FSIP1: variants seen among roughly 807,000 people sequenced by gnomAD.
The protein encoded by FSIP1 is fibrous sheath-interacting protein 1.
A neutral mutation model predicts 60.9 loss-of-function variants in FSIP1; 65 were observed. The observed-to-expected ratio is 1.07, with a 90% confidence interval of 0.87 to 1.31. The LOEUF (loss-of-function observed/expected upper bound fraction) is 1.31. Ranked by LOEUF, FSIP1 falls within the 40% of genes most tolerant of loss-of-function variation. The probability of loss-of-function intolerance (pLI) is 0.00; values close to 1 mark genes in which losing one functional copy is unlikely to be tolerated. For synonymous variants in FSIP1, 209 were observed against 221.2 expected, an observed-to-expected ratio of 0.94 and a Z score of 0.49; for missense variants, 675 against 665.5, an observed-to-expected ratio of 1.01 and a Z score of -0.16.
At chr15:39,756,594 C>T (rs966378489) in intron 5 of FSIP1, among the ~76,000 whole-genome samples, 2 of 152,076 alleles carry the variant, frequency 1.3e-5, no homozygotes, top group African/African-American at 2.4e-5. Flanking sequence ...GACTCCACTT[C>T]CCAAAGCGCT....
chr15:39,776,624 GT>G (rs1286022104), intron 1 of FSIP1, 93 bp from the exon 2 acceptor site: 1 of 1,149,964 alleles, frequency 8.7e-7, no homozygotes, highest in East Asian at 2.4e-5. Flanking sequence ...CAGAGGCTTT[GT>G]TTTAAAGATT....
chr15:39,608,760 C>A (rs1322548283), intron 11 of FSIP1, among the ~76,000 whole-genome samples: 1 of 152,122 alleles, frequency 6.6e-6, no homozygotes, highest in Non-Finnish European at 1.5e-5. Flanking sequence ...AGCTCCCATA[C>A]CCCCAACAAA....
chr15:39,610,371 T>C (rs1339181156), intron 11 of FSIP1, among the ~76,000 whole-genome samples: 1 of 151,930 alleles, frequency 6.6e-6, no homozygotes, highest in African/African-American at 2.4e-5. Context: ...CCAAGACAAA[T>C]CATAATCAAA....
chr15:39,653,239 C>T (rs1892948175), intron 10 of FSIP1, among the ~76,000 whole-genome samples: 1 of 150,944 alleles, frequency 6.6e-6, no homozygotes, highest in African/African-American at 2.4e-5. Flanking sequence ...AGGGCACTTA[C>T]CATGAATGGA....
At chr15:39,639,164 A>C (rs570970332) in intron 10 of FSIP1, among the ~76,000 whole-genome samples, 1 of 152,324 alleles carries the variant, frequency 6.6e-6, no homozygotes, top group East Asian at 1.9e-4. Context: ...ACCAAAGACC[A>C]AAGTTCACCA....
chr15:39,667,120 T>G (rs1220921189), intron 10 of FSIP1, among the ~76,000 whole-genome samples: 1 of 152,188 alleles, frequency 6.6e-6, no homozygotes, highest in Non-Finnish European at 1.5e-5. Context: ...GACGAGTGCT[T>G]GACTTTCCCT....
intron 10 of FSIP1, among the ~76,000 whole-genome samples, chr15:39,698,754 A>C (rs1894931541): frequency 6.6e-6 from 1 of 152,190 alleles, no homozygotes; most frequent in Non-Finnish European, 1.5e-5. Flanking sequence ...CTAAAGTGCC[A>C]CCACAATTCC....
At chr15:39,664,830 A>C (rs1337866220) in intron 10 of FSIP1, among the ~76,000 whole-genome samples, 1 of 152,012 alleles carries the variant, frequency 6.6e-6, no homozygotes, top group Non-Finnish European at 1.5e-5. Context: ...CAAAAGACCC[A>C]TCCTAGGGAA....
At chr15:39,654,532 C>G (rs1232215313) in intron 10 of FSIP1, among the ~76,000 whole-genome samples, 1 of 152,196 alleles carries the variant, frequency 6.6e-6, no homozygotes, top group Non-Finnish European at 1.5e-5. Flanking sequence ...TTAAATGGAT[C>G]ATTTATAGAA....
At chr15:39,651,615 T>C (rs1385557017) in intron 10 of FSIP1, among the ~76,000 whole-genome samples, 1 of 152,246 alleles carries the variant, frequency 6.6e-6, no homozygotes, top group Non-Finnish European at 1.5e-5. Flanking sequence ...ACTTAACACA[T>C]CATTGTGTGA....
intron 5 of FSIP1, among the ~76,000 whole-genome samples, chr15:39,759,086 T>C (rs1042481771): frequency 2.0e-4 from 31 of 152,102 alleles, no homozygotes; most frequent in African/African-American, 7.2e-4. Flanking sequence ...AAGGAAAATA[T>C]ATATTTTTTA....
chr15:39,665,163 T>C (rs1317551829), intron 10 of FSIP1, among the ~76,000 whole-genome samples: 2 of 152,186 alleles, frequency 1.3e-5, no homozygotes, highest in African/African-American at 2.4e-5. Flanking sequence ...TGGGCTCCCA[T>C]AACATTTGAA....
rs1894422618 is a variant in FSIP1 at position 39,687,322 on chromosome 15, T to TTTTG, written c.1188+26118_1188+26121dup. Reference sequence around the variant, plus strand: ...GGCATGTGCCACCACACCCAGCTAATTTTGTATTTTTAGTAGAAATGGGGT... The same window carrying TTTTG: ...GGCATGTGCCACCACACCCAGCTAATTTTGTTTGTATTTTTAGTAGAAATGGGGT... On this transcript the variant is annotated intron_variant, in intron 10 of 11. Transcript: ENST00000350221. 3.3e-5 allele frequency among the ~76,000 whole-genome samples: 5 copies of TTTTG among 151,830 alleles called. 1 individual carries two copies. The highest frequency in any genetic ancestry group is 6.6e-5 in the Admixed American group (1 of 15,266).
chr15:39,690,531 G>C (rs1196305937), intron 10 of FSIP1, among the ~76,000 whole-genome samples: 2 of 152,128 alleles, frequency 1.3e-5, no homozygotes, highest in Admixed American at 6.5e-5. Context: ...TCTCCCTCCT[G>C]AAGCTGCTCC....
At chr15:39,736,214 G>A (rs7165067) in intron 8 of FSIP1, among the ~76,000 whole-genome samples, 54,308 of 152,072 alleles carry the variant, frequency 0.36, 12,572 homozygotes, top group African/African-American at 0.63. Context: ...CAGCGAAGCT[G>A]AAATATCTCA....
At chr15:39,733,641 G>A (rs146453699) in intron 8 of FSIP1, among the ~76,000 whole-genome samples, 13 of 152,228 alleles carry the variant, frequency 8.5e-5, no homozygotes, top group Non-Finnish European at 1.5e-4. Flanking sequence ...ATGGCTACGC[G>A]ATACAGCTTG....
chr15:39,617,894 T>A lies in FSIP1; in HGVS notation c.1540A>T (p.Ile514Phe). The part of the protein sequence containing the change: ...MKCLQFSKDV[I>F]ISDTKDYFMS... Reference sequence around the variant, plus strand: ...AAATAGTCTTTTGTGTCACTAATAATAACGTCCTTGGAAAATTGAAGGCAT... The same window carrying A: ...AAATAGTCTTTTGTGTCACTAATAAAAACGTCCTTGGAAAATTGAAGGCAT... Residue 514 changes from isoleucine (I) to phenylalanine (F), a missense_variant, in exon 11 of 12, where the codon ATT becomes TTT. Coordinates refer to ENST00000350221, the MANE Select transcript of FSIP1 (RefSeq NM_152597.5). 1 of 1,614,172 alleles carries A rather than the reference T, an allele frequency of 6.2e-7. No homozygotes were observed. The highest frequency in any genetic ancestry group is 1.1e-5 in the South Asian group (1 of 91,084).
chr15:39,737,853 T>C (rs1896665273), intron 8 of FSIP1, among the ~76,000 whole-genome samples: 1 of 152,124 alleles, frequency 6.6e-6, no homozygotes, highest in Non-Finnish European at 1.5e-5. Context: ...GGCCCCAGTG[T>C]GTGTCGCTCC....
At chr15:39,712,979 A>G (rs1430905172) in intron 10 of FSIP1, among the ~76,000 whole-genome samples, 6 of 152,304 alleles carry the variant, frequency 3.9e-5, no homozygotes, top group East Asian at 1.9e-4. Context: ...CGAAAAACAA[A>G]TATTTGTGTC....
Sources: allele counts gnomAD v4.1 joint callset (sites outside exome capture counted in the v4.1 genomes callset), GRCh38; gene constraint gnomAD v4.1.1; transcripts MANE v1.5; gene names NCBI Gene and HGNC (gene_info 2026-07-23, HGNC 2026-07-21).